ATRNL1: variants seen among roughly 807,000 people sequenced by gnomAD.
The protein encoded by ATRNL1 is attractin like 1, also known as attractin-like protein 1.
In ATRNL1, 95 loss-of-function variants were observed where a neutral mutation model predicts 182.7. The ratio of observed to expected loss-of-function variants is 0.52; its 90% CI spans 0.44 to 0.62. The LOEUF is 0.62. ATRNL1 is among the 20% of genes least tolerant of loss of function. The pLI is 0.00. For synonymous variants in ATRNL1, 576 were observed against 568.3 expected, an observed-to-expected ratio of 1.01 and a Z score of -0.19; for missense variants, 1,471 against 1,679.5, an observed-to-expected ratio of 0.88 and a Z score of 2.17.
intron 26 of ATRNL1, among the ~76,000 whole-genome samples, chr10:115,571,073 G>T (rs1025968489): frequency 1.3e-5 from 2 of 152,198 alleles, no homozygotes; most frequent in Admixed American, 6.5e-5. Context: ...TTCAGCACAG[G>T]CTGTTGGCTA....
chr10:115,627,450 T>G (rs1160926751), intron 26 of ATRNL1, among the ~76,000 whole-genome samples: 7 of 152,130 alleles, frequency 4.6e-5, no homozygotes, highest in Non-Finnish European at 8.8e-5. Flanking sequence ...TTGCAACCTC[T>G]GCCTCCTGGG....
At chr10:115,149,662 C>G (rs1592170039) in intron 5 of ATRNL1, among the ~76,000 whole-genome samples, 1 of 152,078 alleles carries the variant, frequency 6.6e-6, no homozygotes, top group East Asian at 1.9e-4. Flanking sequence ...ATATATTGAG[C>G]CATCCTTGCA....
At chr10:115,732,442 G>A (rs1210029322) in intron 27 of ATRNL1, among the ~76,000 whole-genome samples, 3 of 152,148 alleles carry the variant, frequency 2.0e-5, no homozygotes, top group Non-Finnish European at 2.9e-5. Flanking sequence ...TTTAAAGACT[G>A]TTTTAAAGAT....
intron 8 of ATRNL1, among the ~76,000 whole-genome samples, chr10:115,205,546 C>T (rs1273245404): frequency 6.6e-6 from 1 of 151,026 alleles, no homozygotes; most frequent in Admixed American, 6.6e-5. Flanking sequence ...TTCTTGTTTC[C>T]TTTTTCCTGT....
intron 26 of ATRNL1, among the ~76,000 whole-genome samples, chr10:115,679,855 C>A (rs889215184): frequency 3.3e-5 from 5 of 152,056 alleles, no homozygotes; most frequent in African/African-American, 1.2e-4. Flanking sequence ...TTTCTCTTTG[C>A]AAACTGACAT....
At chr10:115,100,116 A>G (rs1460371606) in intron 1 of ATRNL1, among the ~76,000 whole-genome samples, 1 of 152,130 alleles carries the variant, frequency 6.6e-6, no homozygotes, top group Non-Finnish European at 1.5e-5. Flanking sequence ...ACAAGGCAAG[A>G]CACTGCCTAT....
At chr10:115,522,558 A>G (rs1554985526) in intron 25 of ATRNL1, among the ~76,000 whole-genome samples, 1 of 152,180 alleles carries the variant, frequency 6.6e-6, no homozygotes. Context: ...GTCAAATATT[A>G]AAACTATAGC....
chr10:115,296,702 G>C (rs1004692549), intron 15 of ATRNL1, among the ~76,000 whole-genome samples: 4 of 151,966 alleles, frequency 2.6e-5, no homozygotes, highest in Non-Finnish European at 4.4e-5. Flanking sequence ...TTACGTCTGG[G>C]ATTAATAGGG....
At chr10:115,249,830 G>C (rs1410069907) in intron 10 of ATRNL1, among the ~76,000 whole-genome samples, 2 of 152,098 alleles carry the variant, frequency 1.3e-5, no homozygotes, top group African/African-American at 4.8e-5. Flanking sequence ...TTTATGAAGT[G>C]ATAATAACCT....
At chr10:115,169,352 G>A (rs901792750) in intron 7 of ATRNL1, among the ~76,000 whole-genome samples, 11 of 151,416 alleles carry the variant, frequency 7.3e-5, no homozygotes, top group Non-Finnish European at 1.5e-4. Context: ...GATTACAGGC[G>A]CCTGCCACCA....
chr10:115,332,129 A>G (rs1322574105), intron 18 of ATRNL1, among the ~76,000 whole-genome samples: 1 of 152,206 alleles, frequency 6.6e-6, no homozygotes, highest in Non-Finnish European at 1.5e-5. Context: ...GGGATTCAGG[A>G]TGGTAGAGAA....
At chr10:115,498,763 G>A (rs2133621381) in intron 24 of ATRNL1, among the ~76,000 whole-genome samples, 1 of 151,758 alleles carries the variant, frequency 6.6e-6, no homozygotes, top group South Asian at 2.1e-4. Flanking sequence ...TAATGCAAAT[G>A]TTTTATTACT....
intron 24 of ATRNL1, among the ~76,000 whole-genome samples, chr10:115,489,627 C>T (rs557480245): frequency 1.3e-5 from 2 of 152,230 alleles, no homozygotes; most frequent in African/African-American, 4.8e-5. Flanking sequence ...TGTCTTTGCA[C>T]ATGAGATGGG....
chr10:115,314,668 G>A (rs894196266), intron 17 of ATRNL1, among the ~76,000 whole-genome samples: 9 of 152,168 alleles, frequency 5.9e-5, no homozygotes, highest in Admixed American at 5.9e-4. Flanking sequence ...AGATGCTTTG[G>A]TTGTTAAGTA....
intron 26 of ATRNL1, among the ~76,000 whole-genome samples, chr10:115,605,433 A>G (rs1856820278): frequency 6.6e-6 from 1 of 152,106 alleles, no homozygotes; most frequent in Non-Finnish European, 1.5e-5. Flanking sequence ...TACAGTTAGC[A>G]TATATATTTT....
intron 21 of ATRNL1, 121 bp from the exon 22 acceptor site, chr10:115,461,820 C>A (rs1554969734): frequency 2.4e-5 from 11 of 465,858 alleles, no homozygotes. Flanking sequence ...CTTAAATATA[C>A]CACTAGTATT....
chr10:115,578,336 C>A (rs1854856437), intron 26 of ATRNL1, among the ~76,000 whole-genome samples: 1 of 151,608 alleles, frequency 6.6e-6, no homozygotes, highest in Admixed American at 6.6e-5. Context: ...GATATTAATT[C>A]TTCTTTTAAT....
chr10:115,104,217 C>A (rs1554865355), intron 1 of ATRNL1, among the ~76,000 whole-genome samples: 1 of 152,086 alleles, frequency 6.6e-6, no homozygotes, highest in African/African-American at 2.4e-5. Flanking sequence ...TTCTGTCTGC[C>A]TTTTGGATAT....
intron 18 of ATRNL1, among the ~76,000 whole-genome samples, chr10:115,329,789 G>T (rs1208299483): frequency 3.3e-5 from 5 of 152,022 alleles, no homozygotes; most frequent in African/African-American, 1.2e-4. Flanking sequence ...TGAATCTTTT[G>T]TTGGCAGTAT....
Sources: allele counts gnomAD v4.1 joint callset (sites outside exome capture counted in the v4.1 genomes callset), GRCh38; gene constraint gnomAD v4.1.1; transcripts MANE v1.5; gene names NCBI Gene and HGNC (gene_info 2026-07-23, HGNC 2026-07-21).